The following PPM1G variants were observed in gnomAD, a reference collection of about 807,000 sequenced individuals.
PPM1G encodes protein phosphatase 1G.
In PPM1G, 12 loss-of-function variants were observed where a neutral mutation model predicts 59.4. That is an observed-to-expected ratio of 0.20 (90% CI 0.13 to 0.33). The LOEUF (loss-of-function observed/expected upper bound fraction) is 0.33, where lower values mean the gene tolerates loss of function less well. Ranked by LOEUF, PPM1G falls within the 10% of genes least tolerant of loss-of-function variation. PPM1G has a pLI of 1.00. For missense variants in PPM1G, 392 were observed against 681.3 expected, an observed-to-expected ratio of 0.58 and a Z score of 4.73; for synonymous variants, 245 against 251.9, an observed-to-expected ratio of 0.97 and a Z score of 0.26.
chr2:27,400,107 T>A (rs1684147934), intron 1 of PPM1G, among the ~76,000 whole-genome samples: 1 of 152,020 alleles, frequency 6.6e-6, no homozygotes, highest in Non-Finnish European at 1.5e-5. Context: ...CTTAAAAATA[T>A]TACGCTTGGC....
In PPM1G at chr2:27,385,020, A is replaced by T; in HGVS notation, c.478T>A (p.Tyr160Asn). The T allele has an allele frequency of 6.2e-7, 1 of 1,614,014 alleles. No homozygotes were observed. ...TMTIEELLTRYGQNCHKGPPH... is the reference protein window; with the variant it reads ...TMTIEELLTRNGQNCHKGPPH... ...GGGCCCTTGTGACAGTTCTGCCCGT[A>T]GCGTGTCAGCAGCTCTTCAATAGTC... is the stretch of plus-strand genomic sequence containing the variant. The change falls in exon 5 of 10, where the codon TAC becomes AAC. Residue 160 changes from tyrosine (Y) to asparagine (N), a missense_variant. This residue lies in a region of PPM1G where 188 missense variants were observed against 248.8 expected (regional missense o/e 0.76). Coordinates refer to ENST00000344034, the MANE Select transcript of PPM1G (RefSeq NM_177983.3). This position sits in a 1 kb window ranked among gnomAD's most constrained non-coding sequence, Gnocchi z 4.1.
chr2:27,394,983 A>G (rs1479259588), intron 1 of PPM1G, among the ~76,000 whole-genome samples: 1 of 151,884 alleles, frequency 6.6e-6, no homozygotes, highest in Non-Finnish European at 1.5e-5. Flanking sequence ...TAATCCCAAC[A>G]CTTTGGGAGG....
intron 1 of PPM1G, among the ~76,000 whole-genome samples, chr2:27,391,696 C>T (rs1276595437): frequency 2.6e-5 from 4 of 151,362 alleles, no homozygotes; most frequent in African/African-American, 7.3e-5. Context: ...AGTTCTATAC[C>T]TCTGACTGCC....
At chr2:27,397,298 T>TC (rs1244721670) in intron 1 of PPM1G, among the ~76,000 whole-genome samples, 1 of 128,586 alleles carries the variant, frequency 7.8e-6, no homozygotes, top group African/African-American at 3.5e-5. Flanking sequence ...TCACAAACTC[T>TC]CCCATCACAT....
chr2:27,393,987 C>T (rs898508794), intron 1 of PPM1G, among the ~76,000 whole-genome samples: 2 of 152,154 alleles, frequency 1.3e-5, no homozygotes, highest in Non-Finnish European at 2.9e-5. Flanking sequence ...TGGTCTCAAT[C>T]TCCTGACCTC....
chr2:27,382,042 C>T lies in PPM1G; in HGVS notation c.1434+84G>A. The T allele has an allele frequency of 2.9e-6, 4 of 1,358,006 alleles. No homozygotes were observed. 84.1% of individuals were successfully genotyped at this position (1,358,006 alleles called of 1,614,324 possible). On this transcript the variant is annotated intron_variant, in intron 9 of 9. Coordinates refer to ENST00000344034, the MANE Select transcript of PPM1G (RefSeq NM_177983.3). The surrounding 1 kb of genome is among the most constrained non-coding windows in gnomAD (Gnocchi z 4.2). ...TGTCAGCAATTACTGATAATGCTCCCAGATTGCCGACTTAGCTCAGATTAA... is the reference window on the plus strand; with the variant it reads ...TGTCAGCAATTACTGATAATGCTCCTAGATTGCCGACTTAGCTCAGATTAA...
At position 27,382,438 on chromosome 2, in the gene PPM1G, G is replaced by A. The variant is rs199643651; in HGVS notation, c.1331+38C>T. 8 of 1,612,386 alleles carry A rather than the reference G, an allele frequency of 5.0e-6. No individual in the cohort carries two copies. The highest frequency in any genetic ancestry group is 1.8e-4 in the Middle Eastern group (1 of 5,662). ...TGAGTCCTATAAGAGAAGACATGCT[G>A]CAGAAAGGGGAATTTAGGGCATTCT... On this transcript the variant is annotated intron_variant, in intron 8 of 9. Coordinates refer to ENST00000344034, the MANE Select transcript of PPM1G (RefSeq NM_177983.3). This position sits in a 1 kb window ranked among gnomAD's most constrained non-coding sequence, Gnocchi z 4.2.
intron 1 of PPM1G, among the ~76,000 whole-genome samples, chr2:27,397,461 A>G (rs1001088439): frequency 1.3e-5 from 2 of 152,212 alleles, no homozygotes; most frequent in Non-Finnish European, 2.9e-5. Context: ...AACTAAATCC[A>G]GCACCATATA....
In PPM1G at chr2:27,382,366, C is replaced by T. The variant is rs1683654815; in HGVS notation, c.1331+110G>A. On this transcript the variant is annotated intron_variant, in intron 8 of 9. Coordinates refer to ENST00000344034, the MANE Select transcript of PPM1G (RefSeq NM_177983.3). This position sits in a 1 kb window ranked among gnomAD's most constrained non-coding sequence, Gnocchi z 4.2. ...CTGCCTTAGTCTGGGTGCTCTTCAC[C>T]CACCAAGAGGCCTAGGTCTGCCTAG... The T allele has an allele frequency of 1.9e-6, 3 of 1,566,510 alleles. No homozygotes were observed. Among genetic ancestry groups the T allele is most frequent in the South Asian group, 1.2e-5 (1 of 86,508 alleles).
In PPM1G at chr2:27,385,117, C is replaced by T. The variant is rs767058562; in HGVS notation, c.410-29G>A. On this transcript the variant is annotated intron_variant, in intron 4 of 9. Coordinates refer to ENST00000344034, the MANE Select transcript of PPM1G (RefSeq NM_177983.3). This position sits in a 1 kb window ranked among gnomAD's most constrained non-coding sequence, Gnocchi z 4.1. ...CAGGGAAGAGGCTAAATCAGAGCCCCCATGCCAGACTCCTCATGGGATCCG... is the reference window on the plus strand; with the variant it reads ...CAGGGAAGAGGCTAAATCAGAGCCCTCATGCCAGACTCCTCATGGGATCCG... The T allele has an allele frequency of 6.5e-7, 1 of 1,545,706 alleles. No individual in the cohort carries two copies.
chr2:27,406,852 T>A (rs1351559817), intron 1 of PPM1G, among the ~76,000 whole-genome samples: 1 of 152,114 alleles, frequency 6.6e-6, no homozygotes, highest in Non-Finnish European at 1.5e-5. Context: ...AGATGGAATA[T>A]TCACCTCAAA....
rs570511456 is a variant in PPM1G at position 27,382,709 on chromosome 2, A to G, written c.1202-104T>C. The G allele has an allele frequency of 1.3e-5, 19 of 1,444,630 alleles. No individual in the cohort carries two copies. Among genetic ancestry groups the G allele is most frequent in the Non-Finnish European group, 1.8e-5 (19 of 1,050,100 alleles). The allele number at this position is 1,444,630 out of a possible 1,614,324, so 89.5% of individuals were successfully genotyped here. On this transcript the variant is annotated intron_variant, in intron 7 of 9. Coordinates refer to ENST00000344034, the MANE Select transcript of PPM1G (RefSeq NM_177983.3). This position sits in a 1 kb window ranked among gnomAD's most constrained non-coding sequence, Gnocchi z 4.2. ...TCATTTCCCTTCTTTACAAAGTTCC[A>G]TAATCTAGTGGAATGGGGAACTGAG...
At chr2:27,404,947 GAAAA>G (rs527530570) in intron 1 of PPM1G, among the ~76,000 whole-genome samples, 3 of 61,340 alleles carry the variant, frequency 4.9e-5, no homozygotes, top group Non-Finnish European at 6.6e-5. Context: ...CCGTCTCGGA[GAAAA>G]AAAAAAAAAA....
At chr2:27,396,845 C>CT (rs1684065571) in intron 1 of PPM1G, among the ~76,000 whole-genome samples, 1 of 135,864 alleles carries the variant, frequency 7.4e-6, no homozygotes, top group Non-Finnish European at 1.6e-5. Context: ...AAAGAAATGA[C>CT]TAAGATGGTA....
At position 27,384,603 on chromosome 2, in the gene PPM1G, A is replaced by G. The variant is rs891607205; in HGVS notation, c.825+70T>C. On this transcript the variant is annotated intron_variant, in intron 5 of 9. Coordinates refer to ENST00000344034, the MANE Select transcript of PPM1G (RefSeq NM_177983.3). This position sits in a 1 kb window ranked among gnomAD's most constrained non-coding sequence, Gnocchi z 4.8. ...AAATAGGAGAAGGAAAGAGAGTTGA[A>G]AACTACAGACGGCAACCAAACAGGA... The G allele has an allele frequency of 5.3e-6, 8 of 1,508,258 alleles. 1 individual carries two copies. The South Asian group carries it at 1.1e-4, about 20-fold the overall frequency. The allele number at this position is 1,508,258 out of a possible 1,614,324, so 93.4% of individuals were successfully genotyped here.
chr2:27,408,025 C>G (rs577036885), intron 1 of PPM1G, among the ~76,000 whole-genome samples: 129 of 146,862 alleles, frequency 8.8e-4, no homozygotes, highest in Non-Finnish European at 1.4e-3. Context: ...CCAGCCTGGG[C>G]AACAAGAGCG....
rs1246713827 is a variant in PPM1G at position 27,385,112 on chromosome 2, A to C, written c.410-24T>G. 1 of 1,559,264 alleles carries C rather than the reference A, an allele frequency of 6.4e-7. No homozygotes were observed. Among genetic ancestry groups the C allele is most frequent in the Admixed American group, 1.8e-5 (1 of 54,424 alleles). ...CACTGCAGGGAAGAGGCTAAATCAG[A>C]GCCCCCATGCCAGACTCCTCATGGG... On this transcript the variant is annotated intron_variant, in intron 4 of 9. Coordinates refer to ENST00000344034, the MANE Select transcript of PPM1G (RefSeq NM_177983.3). This position sits in a 1 kb window ranked among gnomAD's most constrained non-coding sequence, Gnocchi z 4.1.
intron 1 of PPM1G, among the ~76,000 whole-genome samples, chr2:27,391,154 A>G (rs1683890934): frequency 6.6e-6 from 1 of 152,200 alleles, no homozygotes; most frequent in Non-Finnish European, 1.5e-5. Flanking sequence ...ATACAGGTAC[A>G]TATGTTCTTT....
intron 1 of PPM1G, among the ~76,000 whole-genome samples, chr2:27,397,843 T>C (rs1684088122): frequency 6.6e-6 from 1 of 152,126 alleles, no homozygotes; most frequent in South Asian, 2.1e-4. Flanking sequence ...TGCTACAGCC[T>C]GAGGGACAGA....
Sources: gnomAD v4.1 joint callset for allele counts (sites outside exome capture counted in the v4.1 genomes callset) on GRCh38, gnomAD v4.1.1 for gene constraint, gnomAD v4.1.1 regional missense constraint, Gnocchi (gnomAD v3.1) non-coding constraint, MANE v1.5 for transcripts, NCBI Gene and HGNC (gene_info 2026-07-23, HGNC 2026-07-21) for gene names.